SLC14A2: variants seen among roughly 807,000 people sequenced by gnomAD.
SLC14A2 encodes solute carrier family 14 member 2.
SLC14A2 carries 91 observed loss-of-function variants against 104.6 expected under a neutral mutation model. That is an observed-to-expected ratio of 0.87 (90% CI 0.73 to 1.04). The LOEUF (loss-of-function observed/expected upper bound fraction) is 1.04. Ranked by LOEUF, SLC14A2 falls within the 50% of genes least tolerant of loss-of-function variation. SLC14A2 has a pLI of 0.00. For missense variants in SLC14A2, 1,189 were observed against 1,156.0 expected (o/e 1.03, Z -0.41); for synonymous variants, 476 against 466.4 (o/e 1.02, Z -0.27).
intron 9 of SLC14A2, 100 bp downstream of exon 9, chr18:45,643,281 A>G (rs2045561800): frequency 9.5e-7 from 1 of 1,052,070 alleles, no homozygotes; most frequent in Non-Finnish European, 1.5e-6. Flanking sequence ...TGAGCGGGTA[A>G]TGGTAGCTGG....
the SLC14A2 span, among the ~76,000 whole-genome samples, chr18:45,174,674 C>T: frequency 1.3e-5 from 2 of 152,082 alleles, no homozygotes; most frequent in African/African-American, 2.4e-5. Flanking sequence ...CAGGAAAGAA[C>T]GGGTCTTGAC....
intron 1 of SLC14A2, among the ~76,000 whole-genome samples, chr18:45,478,270 G>T (rs1018740467): frequency 6.6e-6 from 1 of 152,192 alleles, no homozygotes; most frequent in Admixed American, 6.5e-5. Flanking sequence ...TCCCAGGTGA[G>T]GCAACGCCCC....
intron 1 of SLC14A2, among the ~76,000 whole-genome samples, chr18:45,365,082 C>T (rs1348343085): frequency 6.6e-6 from 1 of 152,114 alleles, no homozygotes. Context: ...GGGTCTTCTC[C>T]CTTCTTCCCA....
chr18:45,335,706 C>A (rs989849355), intron 1 of SLC14A2, among the ~76,000 whole-genome samples: 14 of 152,086 alleles, frequency 9.2e-5, no homozygotes, highest in African/African-American at 2.9e-4. Context: ...AGGAAGTCAC[C>A]CTAAGAAACC....
At chr18:45,334,114 G>A (rs1404076666) in intron 1 of SLC14A2, among the ~76,000 whole-genome samples, 3 of 152,068 alleles carry the variant, frequency 2.0e-5, no homozygotes, top group Non-Finnish European at 4.4e-5. Context: ...TTGAGGTGTG[G>A]GCAATGCTGA....
chr18:45,249,457 A>G lies in SLC14A2; in HGVS notation c.-125+36266A>G, dbSNP rs529602613. On this transcript the variant is annotated intron_variant, in intron 1 of 20. Coordinates refer to the SLC14A2 transcript ENST00000586448. ...ATTCTCAAAAATTCTTGAAACAACT[A>G]TTATAAAACATTCATTTGAGAAAAG... Among the ~76,000 whole-genome samples the G allele has an allele frequency of 2.6e-5, 4 of 152,100 alleles. No homozygotes were observed. In the East Asian group the frequency reaches 5.8e-4, roughly 22 times the overall value.
intron 1 of SLC14A2, among the ~76,000 whole-genome samples, chr18:45,302,984 G>T (rs557020227): frequency 2.6e-5 from 4 of 152,180 alleles, no homozygotes; most frequent in African/African-American, 9.6e-5. Flanking sequence ...AGGGTCTTAG[G>T]TTGTGGTTGA....
intron 1 of SLC14A2, among the ~76,000 whole-genome samples, chr18:45,218,386 GC>G (rs1192184512): frequency 6.6e-6 from 1 of 152,052 alleles, no homozygotes; most frequent in Admixed American, 6.6e-5. Context: ...GTATGCATAG[GC>G]CACATTTTGT....
At chr18:45,367,236 AG>A (rs2085675047) in intron 1 of SLC14A2, among the ~76,000 whole-genome samples, 1 of 152,166 alleles carries the variant, frequency 6.6e-6, no homozygotes. Flanking sequence ...AAAGGGAAAA[AG>A]ACTTGACCAA....
At chr18:45,361,492 C>A (rs28619403) in intron 1 of SLC14A2, among the ~76,000 whole-genome samples, 3,619 of 152,188 alleles carry the variant, frequency 0.024, 153 homozygotes, top group African/African-American at 0.083. Flanking sequence ...GAAAAGGGCA[C>A]CTCTACAATT....
the SLC14A2 span, among the ~76,000 whole-genome samples, chr18:45,200,545 C>T: frequency 8.4e-4 from 128 of 152,214 alleles, no homozygotes; most frequent in Admixed American, 1.3e-3. Flanking sequence ...TCTGATTTTT[C>T]TACCATAGAA....
intron 1 of SLC14A2, among the ~76,000 whole-genome samples, chr18:45,334,866 G>T (rs192464897): frequency 1.3e-5 from 2 of 152,114 alleles, no homozygotes; most frequent in Non-Finnish European, 2.9e-5. Flanking sequence ...GCCTGCTGGC[G>T]GAGGGGTCTA....
chr18:45,548,374 T>G (rs1035193584), intron 2 of SLC14A2, among the ~76,000 whole-genome samples: 7 of 152,168 alleles, frequency 4.6e-5, no homozygotes, highest in Non-Finnish European at 2.9e-5. Context: ...TGATTTTTGA[T>G]TCGGGGAAAA....
chr18:45,309,479 G>A (rs1326306497), intron 1 of SLC14A2, among the ~76,000 whole-genome samples: 1 of 152,040 alleles, frequency 6.6e-6, no homozygotes, highest in Non-Finnish European at 1.5e-5. Context: ...CCATTGTACA[G>A]ATGGATGATT....
At chr18:45,206,436 C>G in the SLC14A2 span, among the ~76,000 whole-genome samples, 54 of 152,168 alleles carry the variant, frequency 3.5e-4, no homozygotes, top group African/African-American at 1.3e-3. Flanking sequence ...CACGTACACA[C>G]ACACACACAC....
intron 1 of SLC14A2, among the ~76,000 whole-genome samples, chr18:45,277,843 T>C (rs1415551338): frequency 6.6e-6 from 1 of 152,264 alleles, no homozygotes; most frequent in Non-Finnish European, 1.5e-5. Flanking sequence ...TTCTGTACTT[T>C]ATTTTCTGTT....
chr18:45,574,592 C>T lies in SLC14A2; in HGVS notation c.-34-50039C>T, dbSNP rs549443862. 5.3e-5 allele frequency among the ~76,000 whole-genome samples: 8 copies of T among 152,342 alleles called. No individual in the cohort carries two copies. The South Asian group carries it at 8.3e-4, about 16-fold the overall frequency. On this transcript the variant is annotated intron_variant, in intron 2 of 20. Coordinates refer to the SLC14A2 transcript ENST00000586448. ...GCCCTTTGCACAGACCCTCTCCTAA[C>T]ATTTGCATACCTAGGGCACAAGTAC...
chr18:45,360,004 C>A (rs1196439700), intron 1 of SLC14A2, among the ~76,000 whole-genome samples: 6 of 152,186 alleles, frequency 3.9e-5, no homozygotes, highest in Non-Finnish European at 8.8e-5. Flanking sequence ...AGTTCATTTC[C>A]AGCCCAGGCC....
At chr18:45,195,038 C>T in the SLC14A2 span, among the ~76,000 whole-genome samples, 7 of 152,178 alleles carry the variant, frequency 4.6e-5, no homozygotes, top group Admixed American at 2.0e-4. Flanking sequence ...TCTTTCACCG[C>T]ACTTCCATAA....
Sources: gnomAD v4.1 joint callset for allele counts (sites outside exome capture counted in the v4.1 genomes callset) on GRCh38, gnomAD v4.1.1 for gene constraint, MANE v1.5 for transcripts, NCBI Gene and HGNC (gene_info 2026-07-23, HGNC 2026-07-21) for gene names.